Variants in NLGN1 observed in about 807,000 individuals in gnomAD.
NLGN1 encodes the protein neuroligin-1.
Under a neutral mutation model 65.5 loss-of-function variants are expected in NLGN1, and 12 were observed. The observed-to-expected ratio is 0.18, with a 90% CI of 0.12 to 0.30. The LOEUF is 0.30. Among genes scored for constraint, NLGN1 ranks in the 10% least tolerant of loss-of-function variants. NLGN1 has a pLI of 1.00. For missense variants in NLGN1, 750 were observed against 1,007.1 expected (o/e 0.74, Z 3.46); for synonymous variants, 350 against 359.5 (o/e 0.97, Z 0.30).
intron 4 of NLGN1, among the ~76,000 whole-genome samples, chr3:173,825,084 G>T (rs1721078305): frequency 6.6e-6 from 1 of 152,002 alleles, no homozygotes; most frequent in Non-Finnish European, 1.5e-5. Context: ...ACAGAAAACT[G>T]TGCCAGCCAA....
chr3:173,551,907 A>T (rs1263898608), intron 2 of NLGN1, among the ~76,000 whole-genome samples: 1 of 152,258 alleles, frequency 6.6e-6, no homozygotes, highest in Non-Finnish European at 1.5e-5. Context: ...AAATAGTTGT[A>T]GTGGCTGCTA....
At chr3:173,870,995 G>A (rs1309083119) in intron 4 of NLGN1, among the ~76,000 whole-genome samples, 2 of 152,208 alleles carry the variant, frequency 1.3e-5, no homozygotes, top group Admixed American at 1.3e-4. Context: ...GAAAGACCAA[G>A]CCATAATTAA....
chr3:173,579,361 A>G (rs1376595262), intron 2 of NLGN1, among the ~76,000 whole-genome samples: 1 of 152,206 alleles, frequency 6.6e-6, no homozygotes, highest in Non-Finnish European at 1.5e-5. Context: ...CGGTATTCTC[A>G]GCTACTCAGG....
chr3:173,574,032 C>CA (rs1577342715), intron 2 of NLGN1, among the ~76,000 whole-genome samples: 1 of 126,846 alleles, frequency 7.9e-6, no homozygotes, highest in Non-Finnish European at 1.6e-5. Flanking sequence ...CACTGCACTC[C>CA]AGCCTGAGCA....
chr3:174,004,126 A>T (rs764501130), intron 4 of NLGN1, among the ~76,000 whole-genome samples: 3 of 152,174 alleles, frequency 2.0e-5, no homozygotes, highest in African/African-American at 4.8e-5. Flanking sequence ...ACAAGCAGTG[A>T]TCACTTCCAG....
intron 4 of NLGN1, among the ~76,000 whole-genome samples, chr3:174,027,792 T>A (rs1170719058): frequency 6.6e-6 from 1 of 152,104 alleles, no homozygotes; most frequent in Non-Finnish European, 1.5e-5. Flanking sequence ...TACTCAAGGA[T>A]CATATGAGTT....
intron 3 of NLGN1, among the ~76,000 whole-genome samples, chr3:173,726,957 G>A (rs1771912712): frequency 6.7e-6 from 1 of 149,488 alleles, no homozygotes. Context: ...AAAAAAAGAA[G>A]AAGAAGAAGA....
chr3:174,213,628 G>A (rs561982944), intron 4 of NLGN1, among the ~76,000 whole-genome samples: 1 of 152,196 alleles, frequency 6.6e-6, no homozygotes, highest in African/African-American at 2.4e-5. Flanking sequence ...TCTGCACTTT[G>A]CATTCTTTTA....
chr3:174,273,913 G>A (rs376490026), intron 4 of NLGN1, among the ~76,000 whole-genome samples: 2 of 151,258 alleles, frequency 1.3e-5, no homozygotes, highest in Non-Finnish European at 3.0e-5. Context: ...TTTGGTTATG[G>A]ATTTATTTGC....
rs150962965 is a variant in NLGN1 at position 173,778,337 on chromosome 3, A to G, written c.494-29343A>G. ...ATTTCTACCATTGTTAATTTTTTTA[A>G]AGGAAAAGACTAGAGTCTCGAATAA... is the stretch of plus-strand genomic sequence containing the variant. On this transcript the variant is annotated intron_variant, in intron 3 of 6. Coordinates refer to ENST00000457714, the Ensembl canonical transcript of NLGN1. Among the ~76,000 whole-genome samples, 91 of 151,966 alleles carry G rather than the reference A, an allele frequency of 6.0e-4. 1 individual carries two copies. The East Asian group carries it at 0.017, about 28-fold the overall frequency.
chr3:174,199,336 T>C (rs1181911447), intron 4 of NLGN1, among the ~76,000 whole-genome samples: 2 of 151,756 alleles, frequency 1.3e-5, no homozygotes, highest in African/African-American at 2.4e-5. Context: ...TTTGAGACAA[T>C]GTTCGATTCA....
At chr3:173,488,008 C>T (rs905893362) in intron 2 of NLGN1, among the ~76,000 whole-genome samples, 9 of 151,398 alleles carry the variant, frequency 5.9e-5, no homozygotes, top group African/African-American at 1.9e-4. Context: ...TGTATTTTAT[C>T]GCTTTTTTAT....
Position 174,280,515 on chromosome 3 carries a change from T to C in NLGN1, c.1684T>C (p.Phe562Leu). Residue 562 changes from phenylalanine to leucine, a missense_variant, in exon 7 of 7, where the codon TTC becomes CTC. Phe to Leu is a conservative substitution (Grantham distance 22). Transcript: ENST00000457714. This position sits in a 1 kb window ranked among gnomAD's most constrained non-coding sequence, Gnocchi z 4.9. ...TCAACCAGTCCCTCAAGACACGAAA[T>C]TCATTCATACCAAACCCAACCGTTT... 1.2e-6 allele frequency: 2 copies of C among 1,611,496 alleles called. No homozygotes were observed. Among genetic ancestry groups the C allele is most frequent in the Non-Finnish European group, 1.7e-6 (2 of 1,178,798 alleles).
intron 3 of NLGN1, among the ~76,000 whole-genome samples, chr3:173,665,081 A>G (rs1029432403): frequency 6.6e-6 from 1 of 152,150 alleles, no homozygotes; most frequent in African/African-American, 2.4e-5. Context: ...TCATTTGTCA[A>G]AAAAAGGTGG....
intron 3 of NLGN1, among the ~76,000 whole-genome samples, chr3:173,780,311 G>C (rs1033357279): frequency 6.6e-6 from 1 of 152,166 alleles, no homozygotes; most frequent in African/African-American, 2.4e-5. Context: ...ACATGTATCT[G>C]CATATGGTCA....
At chr3:173,505,225 A>C (rs1055561734) in intron 2 of NLGN1, among the ~76,000 whole-genome samples, 3 of 151,816 alleles carry the variant, frequency 2.0e-5, no homozygotes, top group Non-Finnish European at 2.9e-5. Context: ...ATTTATGAAC[A>C]CCTCCTTGAA....
At chr3:174,008,724 C>T (rs560735940) in intron 4 of NLGN1, among the ~76,000 whole-genome samples, 1 of 152,012 alleles carries the variant, frequency 6.6e-6, no homozygotes, top group East Asian at 2.0e-4. Flanking sequence ...GAACACAGGG[C>T]CCCAGATAAT....
chr3:174,092,016 A>C (rs1383270671), intron 4 of NLGN1, among the ~76,000 whole-genome samples: 2 of 152,224 alleles, frequency 1.3e-5, no homozygotes, highest in Non-Finnish European at 2.9e-5. Context: ...TTCAACATAT[A>C]AAGATAAATA....
chr3:173,681,175 A>G (rs1763897017), intron 3 of NLGN1, among the ~76,000 whole-genome samples: 1 of 152,228 alleles, frequency 6.6e-6, no homozygotes, highest in African/African-American at 2.4e-5. Flanking sequence ...GTGAGATAAG[A>G]TAAGCAGAAG....
Sources: allele counts gnomAD v4.1 joint callset (sites outside exome capture counted in the v4.1 genomes callset), GRCh38; gene constraint gnomAD v4.1.1; non-coding constraint Gnocchi (gnomAD v3.1); transcripts MANE v1.5; gene names NCBI Gene and HGNC (gene_info 2026-07-23, HGNC 2026-07-21).